Variants in SCHIP1 observed in about 807,000 individuals in gnomAD.
The protein encoded by SCHIP1 is schwannomin-interacting protein 1.
In SCHIP1, 8 loss-of-function variants were observed where a neutral mutation model predicts 29.7. The observed-to-expected ratio is 0.27, with a 90% CI of 0.16 to 0.49. The LOEUF (loss-of-function observed/expected upper bound fraction) is 0.49, where lower values mean the gene tolerates loss of function less well. SCHIP1 is among the 20% of genes least tolerant of loss of function. The pLI is 0.99. For synonymous variants in SCHIP1, 76 were observed against 94.9 expected, an observed-to-expected ratio of 0.80 and a Z score of 1.16; for missense variants, 193 against 294.6, an observed-to-expected ratio of 0.66 and a Z score of 2.52.
At chr3:159,494,245 C>T in the SCHIP1 span, among the ~76,000 whole-genome samples, 6 of 152,096 alleles carry the variant, frequency 3.9e-5, no homozygotes, top group African/African-American at 1.4e-4. Context: ...CAAGAAATAA[C>T]TAAGATCAGA....
At chr3:159,447,763 G>A in the SCHIP1 span, among the ~76,000 whole-genome samples, 2 of 152,172 alleles carry the variant, frequency 1.3e-5, no homozygotes, top group Admixed American at 6.5e-5. Flanking sequence ...TTTAACATAT[G>A]AGTGAAGGGG....
At chr3:159,664,251 G>C in the SCHIP1 span, among the ~76,000 whole-genome samples, 1 of 152,120 alleles carries the variant, frequency 6.6e-6, no homozygotes, top group Non-Finnish European at 1.5e-5. Flanking sequence ...GCCTGGTGTG[G>C]GCAGAGGGTG....
chr3:159,805,332 C>A, the SCHIP1 span, among the ~76,000 whole-genome samples: 1 of 152,196 alleles, frequency 6.6e-6, no homozygotes, highest in Non-Finnish European at 1.5e-5. Context: ...AAGCTGCTGA[C>A]CCCTAGTGTC....
the SCHIP1 span, among the ~76,000 whole-genome samples, chr3:159,501,702 A>G: frequency 2.4e-4 from 36 of 152,212 alleles, no homozygotes; most frequent in Non-Finnish European, 4.8e-4. Context: ...CTAAAACTTA[A>G]TAGTCACCTA....
chr3:159,746,387 A>G, the SCHIP1 span, among the ~76,000 whole-genome samples: 3 of 152,184 alleles, frequency 2.0e-5, no homozygotes, highest in South Asian at 6.2e-4. Flanking sequence ...TGGCTTATCT[A>G]GTGCTTTATA....
chr3:159,406,198 T>C, the SCHIP1 span, among the ~76,000 whole-genome samples: 1 of 151,866 alleles, frequency 6.6e-6, no homozygotes, highest in Admixed American at 6.6e-5. Context: ...AAGGTCAAGT[T>C]TAAGGAAAGG....
At chr3:159,285,678 A>C in the SCHIP1 span, among the ~76,000 whole-genome samples, 4 of 152,130 alleles carry the variant, frequency 2.6e-5, no homozygotes, top group Non-Finnish European at 5.9e-5. Flanking sequence ...TTCTGTTGGT[A>C]GTTAATTACA....
chr3:159,519,570 T>C, the SCHIP1 span, among the ~76,000 whole-genome samples: 1 of 152,218 alleles, frequency 6.6e-6, no homozygotes, highest in Non-Finnish European at 1.5e-5. Flanking sequence ...AGGATAAAGA[T>C]TGCAGAAGAT....
chr3:159,710,307 G>T, the SCHIP1 span, among the ~76,000 whole-genome samples: 10 of 152,032 alleles, frequency 6.6e-5, no homozygotes, highest in Non-Finnish European at 5.9e-5. Flanking sequence ...GTGGAATCCA[G>T]GGAACATTCT....
the SCHIP1 span, among the ~76,000 whole-genome samples, chr3:159,511,595 C>T: frequency 6.4e-4 from 97 of 152,240 alleles, no homozygotes; most frequent in Middle Eastern, 3.4e-3. Flanking sequence ...TGTTCCTATT[C>T]GGCCATCTTG....
At chr3:159,469,173 T>C in the SCHIP1 span, among the ~76,000 whole-genome samples, 6 of 152,084 alleles carry the variant, frequency 3.9e-5, no homozygotes, top group Admixed American at 3.9e-4. Flanking sequence ...GCTAACATTA[T>C]TGGAAAGACA....
chr3:159,871,159 T>A (rs995497814), intron 2 of SCHIP1, among the ~76,000 whole-genome samples: 1 of 152,138 alleles, frequency 6.6e-6, no homozygotes, highest in Non-Finnish European at 1.5e-5. Context: ...TGAGTTTATT[T>A]TTCATTTGTT....
the SCHIP1 span, among the ~76,000 whole-genome samples, chr3:159,701,734 G>A: frequency 2.0e-5 from 3 of 151,920 alleles, no homozygotes; most frequent in Non-Finnish European, 4.4e-5. Flanking sequence ...AGGCTATGTA[G>A]TGGCCTTCTT....
At chr3:159,319,233 C>G in the SCHIP1 span, among the ~76,000 whole-genome samples, 376 of 152,220 alleles carry the variant, frequency 2.5e-3, 3 homozygotes, top group Non-Finnish European at 4.0e-3. Context: ...TGTTCTGGAC[C>G]CCACTCACCA....
chr3:159,450,066 T>C, the SCHIP1 span, among the ~76,000 whole-genome samples: 4 of 152,206 alleles, frequency 2.6e-5, no homozygotes, highest in East Asian at 1.9e-4. Context: ...ATCTTTCTTA[T>C]TGGCAAAATC....
the SCHIP1 span, among the ~76,000 whole-genome samples, chr3:159,671,945 G>A: frequency 1.3e-5 from 2 of 152,138 alleles, no homozygotes; most frequent in African/African-American, 4.8e-5. Context: ...CACACCAGGA[G>A]AGCACTTGGT....
the SCHIP1 span, among the ~76,000 whole-genome samples, chr3:159,546,262 T>A: frequency 6.6e-6 from 1 of 152,100 alleles, no homozygotes; most frequent in African/African-American, 2.4e-5. Flanking sequence ...CGAGTGGCAA[T>A]GGTAGGCATA....
At chr3:159,470,803 G>A in the SCHIP1 span, among the ~76,000 whole-genome samples, 15 of 151,860 alleles carry the variant, frequency 9.9e-5, no homozygotes, top group South Asian at 1.2e-3. Flanking sequence ...TCAATAAAAA[G>A]GAATGAAGTA....
chr3:159,547,421 A>C, the SCHIP1 span, among the ~76,000 whole-genome samples: 1 of 152,170 alleles, frequency 6.6e-6, no homozygotes, highest in African/African-American at 2.4e-5. Context: ...TAGTTTAATT[A>C]GATCCCATTT....
Sources: gnomAD v4.1 joint callset for allele counts (sites outside exome capture counted in the v4.1 genomes callset) on GRCh38, gnomAD v4.1.1 for gene constraint, MANE v1.5 for transcripts, NCBI Gene and HGNC (gene_info 2026-07-23, HGNC 2026-07-21) for gene names.